NTMT1: variants seen among roughly 807,000 people sequenced by gnomAD.
NTMT1 encodes N-terminal Xaa-Pro-Lys N-methyltransferase 1.
A neutral mutation model predicts 17.5 loss-of-function variants in NTMT1; 8 were observed. The ratio of observed to expected loss-of-function variants is 0.46; its 90% confidence interval spans 0.27 to 0.82. The LOEUF (loss-of-function observed/expected upper bound fraction) is 0.82, where lower values mean the gene tolerates loss of function less well. NTMT1 is among the 40% of genes least tolerant of loss of function. The pLI, the probability that NTMT1 is intolerant of heterozygous loss-of-function variation, is 0.15. For synonymous variants in NTMT1, 128 were observed against 126.8 expected, an observed-to-expected ratio of 1.01 and a Z score of -0.06; for missense variants, 221 against 303.5, an observed-to-expected ratio of 0.73 and a Z score of 2.02.
chr9:129,613,111 T>G lies in NTMT1; in HGVS notation c.-55+3933T>G. 6.2e-7 allele frequency: 1 copy of G among 1,613,848 alleles called. No individual in the cohort carries two copies. Among genetic ancestry groups the G allele is most frequent in the East Asian group, 2.2e-5 (1 of 44,872 alleles). On this transcript the variant is annotated intron_variant, in intron 1 of 3. Coordinates refer to the NTMT1 transcript ENST00000372486. This position sits in a 1 kb window ranked among gnomAD's most constrained non-coding sequence, Gnocchi z 6.2. ...GGAGCAAGACCATTTGCCCACCTGCTCCAGGTTTCTGTGCGGGTCCAAGAA... is the reference window on the plus strand; with the variant it reads ...GGAGCAAGACCATTTGCCCACCTGCGCCAGGTTTCTGTGCGGGTCCAAGAA...
chr9:129,635,566 G>C lies in NTMT1; in HGVS notation c.*102G>C. On this transcript the variant is annotated 3_prime_UTR_variant, in exon 4 of 4. Transcript: ENST00000372483. ...ACGCTGGCGGTTCGTGAGTGTCGAG[G>C]CACCACTAAATATAGCTGTCTGCCG... 7.3e-7 allele frequency: 1 copy of C among 1,370,394 alleles called. No homozygotes were observed. Among genetic ancestry groups the C allele is most frequent in the Non-Finnish European group, 1.0e-6 (1 of 1,002,734 alleles). 84.9% of individuals were successfully genotyped at this position (1,370,394 alleles called of 1,614,324 possible).
At chr9:129,634,407 G>C (rs369143340) in intron 3 of NTMT1, 101 bp downstream of exon 3, 1 of 1,401,262 alleles carries the variant, frequency 7.1e-7, no homozygotes, top group African/African-American at 1.4e-5. Flanking sequence ...TGCAGCAAGT[G>C]GGCCAGTGAG....
chr9:129,635,608 GC>G lies in NTMT1; in HGVS notation c.*145del. ...TGTCTGCCGTCCACTCATTATGCGG[GC>G]TCTTCTTCAAAAGGCAAGGTGGGAC... On this transcript the variant is annotated 3_prime_UTR_variant, in exon 4 of 4. Transcript: ENST00000372483. The G allele has an allele frequency of 9.4e-7, 1 of 1,067,252 alleles. No homozygotes were observed. The highest frequency in any genetic ancestry group is 1.4e-6 in the Non-Finnish European group (1 of 740,708). 66.1% of individuals were successfully genotyped at this position (1,067,252 alleles called of 1,614,324 possible). A position where few individuals can be genotyped will look rare whatever the true frequency, so the allele number is the denominator to read the frequency against.
upstream of NTMT1, among the ~76,000 whole-genome samples, chr9:129,625,846 T>C (rs1179895028): frequency 1.3e-5 from 2 of 151,772 alleles, no homozygotes; most frequent in African/African-American, 2.4e-5. Context: ...AACCCGTCTC[T>C]ACTAAAAATA....
At position 129,635,188 on chromosome 9, in the gene NTMT1, C is replaced by G; in HGVS notation, c.416-20C>G. Reference sequence around the variant, plus strand: ...TCCGCTTGCATGGTGCCCTGGTAACCTTGCCTCTGCCCTCCCCAGGCCACC... The same window carrying G: ...TCCGCTTGCATGGTGCCCTGGTAACGTTGCCTCTGCCCTCCCCAGGCCACC... On this transcript the variant is annotated intron_variant, in intron 3 of 3. Coordinates refer to ENST00000372483, the MANE Select transcript of NTMT1 (RefSeq NM_014064.4). 1 of 1,597,800 alleles carries G rather than the reference C, an allele frequency of 6.3e-7. No homozygotes were observed. The highest frequency in any genetic ancestry group is 1.7e-4 in the Middle Eastern group (1 of 5,996).
chr9:129,621,952 C>G (rs959577098), upstream of NTMT1, among the ~76,000 whole-genome samples: 2 of 152,190 alleles, frequency 1.3e-5, no homozygotes, highest in Non-Finnish European at 2.9e-5. Context: ...GCCTCTGGGC[C>G]GCTTCAGGGT....
chr9:129,615,797 C>T (rs959131188), intron 1 of NTMT1: 21 of 879,036 alleles, frequency 2.4e-5, no homozygotes, highest in East Asian at 9.6e-5. Context: ...CCGGCCTTAA[C>T]GGAGCACTTC....
chr9:129,620,053 C>A lies in NTMT1; in HGVS notation c.-55+10875C>A. The A allele has an allele frequency of 1.4e-6, 2 of 1,454,388 alleles. No individual in the cohort carries two copies. Among genetic ancestry groups the A allele is most frequent in the Non-Finnish European group, 1.8e-6 (2 of 1,101,874 alleles). The allele number at this position is 1,454,388 out of a possible 1,614,324, so 90.1% of individuals were successfully genotyped here. ...ATGACTCGGGCCCGCCCCCCGGGCC[C>A]CGCGGGGCCTCACTCAGTGGCTCCG... On this transcript the variant is annotated intron_variant, in intron 1 of 3. Transcript: ENST00000372486. The surrounding 1 kb of genome is among the most constrained non-coding windows in gnomAD (Gnocchi z 5.8).
chr9:129,635,121 G>T (rs1195152416), intron 3 of NTMT1, 87 bp from the exon 4 acceptor site: 9 of 1,468,354 alleles, frequency 6.1e-6, no homozygotes, highest in Non-Finnish European at 8.3e-6. Context: ...ACAAATGAGG[G>T]GCTCAGCGGG....
At chr9:129,626,759 C>T (rs552002096) in intron 1 of NTMT1, among the ~76,000 whole-genome samples, 1 of 152,334 alleles carries the variant, frequency 6.6e-6, no homozygotes, top group East Asian at 1.9e-4. Context: ...CACCCGAGCG[C>T]CAGCCCGACA....
In NTMT1 at chr9:129,627,223, G is replaced by A. The variant is rs931704873; in HGVS notation, c.-55+928G>A. Among the ~76,000 whole-genome samples the A allele has an allele frequency of 7.9e-5, 12 of 152,312 alleles. No individual in the cohort carries two copies. The East Asian group carries it at 1.9e-3, about 24-fold the overall frequency. ...CGGAAGCCCTAGGATCACAAGGATG[G>A]CATCTAAAAAATCTCGGTGGGGGTT... On this transcript the variant is annotated intron_variant, in intron 1 of 3. Coordinates refer to ENST00000372483, the MANE Select transcript of NTMT1 (RefSeq NM_014064.4).
rs1440956314 is a variant in NTMT1 at position 129,620,715 on chromosome 9, G to A, written c.-55+11537G>A. The A allele has an allele frequency of 4.1e-6, 3 of 727,694 alleles. No individual in the cohort carries two copies. Among genetic ancestry groups the A allele is most frequent in the Admixed American group, 4.4e-5 (1 of 22,972 alleles). The allele number at this position is 727,694 out of a possible 1,614,324, so 45.1% of individuals were successfully genotyped here. A position where few individuals can be genotyped will look rare whatever the true frequency, so the allele number is the denominator to read the frequency against. ...GGTGCGGGGTGAACGCCACCGGCCC[G>A]GCGGACAGCGAGTGGCTTCAGGCGA... On this transcript the variant is annotated intron_variant, in intron 1 of 3. Transcript: ENST00000372486. The surrounding 1 kb of genome is among the most constrained non-coding windows in gnomAD (Gnocchi z 5.8).
intron 3 of NTMT1, 56 bp downstream of exon 3, chr9:129,634,362 C>T (rs1485446625): frequency 1.3e-6 from 2 of 1,538,704 alleles, no homozygotes; most frequent in Non-Finnish European, 1.8e-6. Context: ...CACTCGCGTT[C>T]CCCATAAGGT....
chr9:129,628,467 G>T (rs1433805646), intron 1 of NTMT1: 1 of 152,268 alleles, frequency 6.6e-6, no homozygotes, highest in Non-Finnish European at 1.5e-5. Context: ...GTAAAGCACA[G>T]AATTATATTG....
At chr9:129,621,293 C>G (rs1588127404), upstream of NTMT1, among the ~76,000 whole-genome samples, 1 of 152,276 alleles carries the variant, frequency 6.6e-6, no homozygotes, top group East Asian at 1.9e-4. Context: ...TACCCCCAGC[C>G]CCCATTCTGA....
At position 129,613,012 on chromosome 9, in the gene NTMT1, G is replaced by A; in HGVS notation, c.-55+3834G>A. 2 of 1,524,612 alleles carry A rather than the reference G, an allele frequency of 1.3e-6. No individual in the cohort carries two copies. The highest frequency in any genetic ancestry group is 3.6e-5 in the Admixed American group (2 of 55,262). 94.4% of individuals were successfully genotyped at this position (1,524,612 alleles called of 1,614,324 possible). The stretch of plus-strand genomic sequence containing the variant: ...GGCTCTCAGGGAGGGTCCACTCCCA[G>A]CCCCAGCCACTCCACCAAACAGGGC... On this transcript the variant is annotated intron_variant, in intron 1 of 3. Transcript: ENST00000372486. The surrounding 1 kb of genome is among the most constrained non-coding windows in gnomAD (Gnocchi z 6.2).
At chr9:129,633,299 C>T (rs1197886317) in intron 2 of NTMT1, 2 of 315,818 alleles carry the variant, frequency 6.3e-6, no homozygotes, top group Non-Finnish European at 1.1e-5. Flanking sequence ...GTCCTGGAGC[C>T]CCCCACCTTC....
chr9:129,621,120 T>C (rs1830689205), intron 1 of NTMT1, among the ~76,000 whole-genome samples: 1 of 152,224 alleles, frequency 6.6e-6, no homozygotes, highest in Non-Finnish European at 1.5e-5. Context: ...TAGCCTGCCT[T>C]GCAGTGTTCA....
chr9:129,633,995 A>G, intron 2 of NTMT1, 59 bp from the exon 3 acceptor site: 1 of 1,555,868 alleles, frequency 6.4e-7, no homozygotes, highest in South Asian at 1.2e-5. Context: ...GCTCGTGAGG[A>G]AGGGCCGCAC....
Sources: gnomAD v4.1 joint callset for allele counts (sites outside exome capture counted in the v4.1 genomes callset) on GRCh38, gnomAD v4.1.1 for gene constraint, Gnocchi (gnomAD v3.1) non-coding constraint, MANE v1.5 for transcripts, NCBI Gene and HGNC (gene_info 2026-07-23, HGNC 2026-07-21) for gene names.